Variants in PRKN observed in about 807,000 individuals in gnomAD.
PRKN encodes the protein parkin RBR E3 ubiquitin protein ligase.
Under a neutral mutation model 59.5 loss-of-function variants are expected in PRKN, and 56 were observed. The observed-to-expected ratio is 0.94, with a 90% CI of 0.76 to 1.18. PRKN has a LOEUF of 1.18. PRKN is among the 50% of genes most tolerant of loss of function. PRKN has a pLI of 0.00. For missense variants in PRKN, 657 were observed against 596.4 expected (o/e 1.10, Z -1.06); for synonymous variants, 250 against 222.1 (o/e 1.13, Z -1.12).
intron 1 of PRKN, among the ~76,000 whole-genome samples, chr6:162,530,534 G>T (rs1778467502): frequency 6.6e-6 from 1 of 152,158 alleles, no homozygotes; most frequent in African/African-American, 2.4e-5. Context: ...TAAATCTCCA[G>T]TCTCAGTTTC....
intron 9 of PRKN, among the ~76,000 whole-genome samples, chr6:161,510,989 T>C (rs1045627671): frequency 2.0e-5 from 3 of 152,174 alleles, no homozygotes; most frequent in African/African-American, 7.2e-5. Flanking sequence ...ATATGGAAGA[T>C]GCTATTTTTA....
chr6:162,120,735 G>C (rs947988897), intron 4 of PRKN, among the ~76,000 whole-genome samples: 23 of 152,174 alleles, frequency 1.5e-4, no homozygotes, highest in Admixed American at 4.6e-4. Flanking sequence ...TATTAAACCA[G>C]AGCCAGGAGG....
At chr6:162,658,456 G>A (rs1778741634) in intron 1 of PRKN, among the ~76,000 whole-genome samples, 1 of 152,110 alleles carries the variant, frequency 6.6e-6, no homozygotes, top group African/African-American at 2.4e-5. Context: ...GAGGTAAGGA[G>A]TTCAAGATCA....
chr6:161,709,760 G>A (rs1200172428), intron 7 of PRKN, among the ~76,000 whole-genome samples: 1 of 152,040 alleles, frequency 6.6e-6, no homozygotes, highest in Non-Finnish European at 1.5e-5. Flanking sequence ...GAGTTTCCAT[G>A]TATTAAGCTT....
chr6:161,505,450 A>C (rs535699672), intron 9 of PRKN, among the ~76,000 whole-genome samples: 2 of 150,794 alleles, frequency 1.3e-5, no homozygotes, highest in African/African-American at 4.9e-5. Flanking sequence ...AGTAGGTTGC[A>C]AAAATATTCT....
intron 1 of PRKN, among the ~76,000 whole-genome samples, chr6:162,688,600 C>G (rs1229398660): frequency 6.6e-6 from 1 of 152,142 alleles, no homozygotes; most frequent in Non-Finnish European, 1.5e-5. Context: ...TGCACACATT[C>G]AGAAGGTTTT....
intron 2 of PRKN, among the ~76,000 whole-genome samples, chr6:162,313,898 T>A (rs1782639416): frequency 6.6e-5 from 10 of 152,200 alleles, no homozygotes. Context: ...TAAAATCAAA[T>A]TTTTAGCAAA....
At chr6:162,567,637 A>T (rs1483654896) in intron 1 of PRKN, among the ~76,000 whole-genome samples, 1 of 152,218 alleles carries the variant, frequency 6.6e-6, no homozygotes, top group Non-Finnish European at 1.5e-5. Flanking sequence ...AAAAAAGGAA[A>T]AATATTCCAT....
At position 162,521,237 on chromosome 6, in the gene PRKN, T is replaced by C. The variant is rs117120811; in HGVS notation, c.8-77764A>G. On this transcript the variant is annotated intron_variant, in intron 1 of 11. Coordinates refer to ENST00000366898, the MANE Select transcript of PRKN (RefSeq NM_004562.3). ...AATGAAAAATACATCATTAAACTCA[T>C]CACATTTTCCAAAACTATAAGCAAG... 1.3e-3 allele frequency among the ~76,000 whole-genome samples: 196 copies of C among 152,324 alleles called. 4 individuals are homozygous for C. In the East Asian group the frequency reaches 0.032, roughly 25 times the overall value.
chr6:162,134,220 A>C (rs768606118), intron 4 of PRKN, among the ~76,000 whole-genome samples: 4 of 152,204 alleles, frequency 2.6e-5, no homozygotes, highest in Non-Finnish European at 5.9e-5. Flanking sequence ...TGAACACTAC[A>C]GTGGAAGCTT....
chr6:162,264,049 G>A (rs970002256), intron 2 of PRKN, among the ~76,000 whole-genome samples: 4 of 152,148 alleles, frequency 2.6e-5, no homozygotes, highest in South Asian at 2.1e-4. Flanking sequence ...CAAGGCGGGC[G>A]GATCACTTGA....
At chr6:162,698,419 T>TG (rs150532725) in intron 1 of PRKN, among the ~76,000 whole-genome samples, 2,232 of 152,288 alleles carry the variant, frequency 0.015, 61 homozygotes, top group African/African-American at 0.051. Context: ...GGTTTGCTAC[T>TG]TTTTCCTTTT....
chr6:162,549,639 C>CTT (rs10553695), intron 1 of PRKN, among the ~76,000 whole-genome samples: 2 of 122,584 alleles, frequency 1.6e-5, no homozygotes, highest in Non-Finnish European at 1.7e-5. Flanking sequence ...ATGCGATAAT[C>CTT]TTTTTTTTTT....
At chr6:161,717,543 G>A (rs753279747) in intron 7 of PRKN, among the ~76,000 whole-genome samples, 5 of 152,216 alleles carry the variant, frequency 3.3e-5, no homozygotes, top group Non-Finnish European at 7.3e-5. Context: ...AGGAATATGA[G>A]GAGGAAGAAG....
rs534048095 is a variant in PRKN, at chr6:162,416,837, G to A, written c.171+26473C>T. On this transcript the variant is annotated intron_variant, in intron 2 of 11. Transcript: ENST00000366898. The stretch of plus-strand genomic sequence containing the variant: ...GTAAAGATGTACATCCTTAAATTCT[G>A]TACACAGAAAATATACTAAAATGAA... Among the ~76,000 whole-genome samples the A allele has an allele frequency of 3.9e-5, 6 of 151,914 alleles. No individual in the cohort carries two copies. In the South Asian group the frequency reaches 1.0e-3, roughly 26 times the overall value.
chr6:161,780,729 T>C (rs947450538), intron 7 of PRKN, among the ~76,000 whole-genome samples: 1 of 152,280 alleles, frequency 6.6e-6, no homozygotes, highest in Non-Finnish European at 1.5e-5. Context: ...GATTATAAAA[T>C]AGGCTCCGAG....
At chr6:162,274,201 ATTTT>A (rs1260076514) in intron 2 of PRKN, among the ~76,000 whole-genome samples, 1 of 150,706 alleles carries the variant, frequency 6.6e-6, no homozygotes, top group Non-Finnish European at 1.5e-5. Flanking sequence ...TTATTTATTT[ATTTT>A]GTGAGACCAG....
At chr6:161,857,672 G>A (rs1459483540) in intron 6 of PRKN, among the ~76,000 whole-genome samples, 2 of 152,178 alleles carry the variant, frequency 1.3e-5, no homozygotes, top group African/African-American at 2.4e-5. Context: ...GTTCAAAGCA[G>A]TTCTGGCCAA....
intron 6 of PRKN, among the ~76,000 whole-genome samples, chr6:161,818,569 A>G (rs1313559866): frequency 6.6e-6 from 1 of 152,028 alleles, no homozygotes; most frequent in Non-Finnish European, 1.5e-5. Context: ...CCTGGACTAA[A>G]GCGATCCTCC....
Sources: allele counts gnomAD v4.1 joint callset (sites outside exome capture counted in the v4.1 genomes callset), GRCh38; gene constraint gnomAD v4.1.1; transcripts MANE v1.5; gene names NCBI Gene and HGNC (gene_info 2026-07-23, HGNC 2026-07-21).